Variants in JAK2 observed in about 807,000 individuals in gnomAD.
JAK2 encodes the protein Janus kinase 2.
Under a neutral mutation model 139.3 loss-of-function variants are expected in JAK2, and 86 were observed. That is an observed-to-expected ratio of 0.62 (90% CI 0.52 to 0.74). The LOEUF (loss-of-function observed/expected upper bound fraction) is 0.74, where lower values mean the gene tolerates loss of function less well. Among genes scored for constraint, JAK2 ranks in the 30% least tolerant of loss-of-function variants. The pLI, the probability that JAK2 is intolerant of heterozygous loss-of-function variation, is 0.00. For synonymous variants in JAK2, 490 were observed against 437.7 expected (o/e 1.12, Z -1.49); for missense variants, 1,421 against 1,360.3 (o/e 1.04, Z -0.70).
chr9:5,095,642 C>CT (rs1820930149), intron 22 of JAK2, among the ~76,000 whole-genome samples: 1 of 152,110 alleles, frequency 6.6e-6, no homozygotes, highest in Non-Finnish European at 1.5e-5. Context: ...GCCCCTATCT[C>CT]AATTATATTT....
At chr9:5,059,283 C>T (rs1817991319) in intron 8 of JAK2, among the ~76,000 whole-genome samples, 2 of 152,108 alleles carry the variant, frequency 1.3e-5, no homozygotes, top group African/African-American at 4.8e-5. Context: ...TTAGTTTTAT[C>T]TATTAATAAA....
chr9:5,064,525 C>CAAAAAAAA (rs1381775824), intron 8 of JAK2, among the ~76,000 whole-genome samples: 4 of 84,688 alleles, frequency 4.7e-5, no homozygotes, highest in Non-Finnish European at 5.1e-5. Flanking sequence ...GCAAGACTCT[C>CAAAAAAAA]AAAAAAAAAA....
chr9:5,102,061 G>C (rs1416099401), intron 22 of JAK2, among the ~76,000 whole-genome samples: 2 of 152,172 alleles, frequency 1.3e-5, no homozygotes, highest in East Asian at 1.9e-4. Context: ...ACAGAAGTAG[G>C]CTTCAGAAGG....
chr9:5,012,375 T>G (rs923399249), intron 2 of JAK2, among the ~76,000 whole-genome samples: 1 of 152,160 alleles, frequency 6.6e-6, no homozygotes, highest in Non-Finnish European at 1.5e-5. Flanking sequence ...TATAAATATA[T>G]ATTTTTAAAA....
At chr9:5,032,137 A>G (rs1201915699) in intron 4 of JAK2, among the ~76,000 whole-genome samples, 1 of 152,214 alleles carries the variant, frequency 6.6e-6, no homozygotes, top group African/African-American at 2.4e-5. Context: ...ACGCCCACGG[A>G]GCCTCGCTCA....
intron 19 of JAK2, 74 bp from the exon 20 acceptor site, chr9:5,089,596 TTCTA>T: frequency 1.7e-6 from 1 of 582,742 alleles, no homozygotes; most frequent in Non-Finnish European, 2.6e-6. Flanking sequence ...TACTAGAATT[TTCTA>T]TATAATTATA....
chr9:5,037,666 A>C (rs141138627), intron 4 of JAK2, among the ~76,000 whole-genome samples: 1 of 152,142 alleles, frequency 6.6e-6, no homozygotes, highest in East Asian at 1.9e-4. Context: ...ATGAGAACAC[A>C]TGGACACAGG....
chr9:5,128,190 CTGGTA>C lies in JAK2; in HGVS notation c.*1402_*1406del, dbSNP rs1824131062. 4.4e-6 allele frequency: 1 copy of C among 228,954 alleles called. No individual in the cohort carries two copies. The highest frequency in any genetic ancestry group is 5.7e-5 in the Admixed American group (1 of 17,540). The allele number at this position is 228,954 out of a possible 1,614,324, so 14.2% of individuals were successfully genotyped here. The stretch of plus-strand genomic sequence containing the variant: ...AAAATAGTTTCTTACTTTATTTTTA[CTGGTA>C]TGTTCTACTTTTTTGAAAGTTGTAC... On this transcript the variant is annotated 3_prime_UTR_variant, in exon 25 of 25. Coordinates refer to ENST00000381652, the MANE Select transcript of JAK2 (RefSeq NM_004972.4).
intron 2 of JAK2, among the ~76,000 whole-genome samples, chr9:5,002,078 A>AT (rs1820958233): frequency 6.6e-6 from 1 of 151,922 alleles, no homozygotes; most frequent in South Asian, 2.1e-4. Context: ...CTGTTTGTAA[A>AT]TTGATCATCT....
chr9:5,110,491 C>T (rs1355492099), intron 22 of JAK2: 1 of 154,794 alleles, frequency 6.5e-6, no homozygotes, highest in African/African-American at 2.4e-5. Flanking sequence ...TTTATATGCT[C>T]AGGCTCCATC....
chr9:4,985,081 C>T (rs1819865080), upstream of JAK2: 1 of 152,300 alleles, frequency 6.6e-6, no homozygotes, highest in South Asian at 2.1e-4. Flanking sequence ...GCCCGGTCTC[C>T]TGCCATTCGG....
chr9:5,112,127 AC>A (rs1822631498), intron 22 of JAK2: 2 of 314,758 alleles, frequency 6.4e-6, no homozygotes, highest in Admixed American at 4.0e-5. Context: ...CTCTGCAGCC[AC>A]GCCATGGGCA....
chr9:4,984,757 C>CCAGCCAGGGTGAGT (rs1215275850), upstream of JAK2: 1 of 152,330 alleles, frequency 6.6e-6, no homozygotes, highest in Non-Finnish European at 1.5e-5. Flanking sequence ...CGCTGGGGAG[C>CCAGCCAGGGTGAGT]CAGCCAGGGT....
chr9:5,045,736 T>C (rs978274151), intron 5 of JAK2, among the ~76,000 whole-genome samples: 2 of 152,198 alleles, frequency 1.3e-5, no homozygotes, highest in Non-Finnish European at 2.9e-5. Context: ...TGTTGTAGCA[T>C]GTGCCAGAAT....
intron 2 of JAK2, among the ~76,000 whole-genome samples, chr9:5,009,152 A>C (rs528309387): frequency 3.3e-5 from 5 of 152,352 alleles, no homozygotes; most frequent in African/African-American, 1.2e-4. Flanking sequence ...CACAAATCTT[A>C]AAATAACTGG....
At position 5,089,661 on chromosome 9, in the gene JAK2, ATG is replaced by A; in HGVS notation, c.2572-9_2572-8del. Reference sequence around the variant, plus strand: ...AACTTGGTATTTCCATCCTAATGTGATGTGTCATTTAGGGTAATTTTGGGAGT... The same window carrying A: ...AACTTGGTATTTCCATCCTAATGTGATGTCATTTAGGGTAATTTTGGGAGT... On this transcript the variant is annotated splice_polypyrimidine_tract_variant and intron_variant, in intron 19 of 24. Transcript: ENST00000381652. The A allele has an allele frequency of 7.7e-7, 1 of 1,295,418 alleles. No homozygotes were observed. Among genetic ancestry groups the A allele is most frequent in the Non-Finnish European group, 1.0e-6 (1 of 1,001,664 alleles). The allele number at this position is 1,295,418 out of a possible 1,614,324, so 80.2% of individuals were successfully genotyped here. A position where few individuals can be genotyped will look rare whatever the true frequency, so the allele number is the denominator to read the frequency against.
intron 4 of JAK2, among the ~76,000 whole-genome samples, chr9:5,033,004 A>G (rs1465238949): frequency 2.6e-5 from 4 of 152,206 alleles, no homozygotes; most frequent in South Asian, 2.1e-4. Flanking sequence ...TTGAAAAAAA[A>G]TTAGACAAAT....
At chr9:5,098,386 A>G (rs1482187834) in intron 22 of JAK2, 1 of 152,148 alleles carries the variant, frequency 6.6e-6, no homozygotes, top group African/African-American at 2.4e-5. Flanking sequence ...TACATCCCCT[A>G]TCATAGAAGA....
intron 4 of JAK2, chr9:5,041,134 C>T (rs1290071508): frequency 7.1e-6 from 7 of 988,398 alleles, no homozygotes; most frequent in Non-Finnish European, 9.3e-6. Context: ...TGCTCCTGAT[C>T]GCCATCCGGC....
Sources: gnomAD v4.1 joint callset for allele counts (sites outside exome capture counted in the v4.1 genomes callset) on GRCh38, gnomAD v4.1.1 for gene constraint, MANE v1.5 for transcripts, NCBI Gene and HGNC (gene_info 2026-07-23, HGNC 2026-07-21) for gene names.